The following STAU2 variants were observed in gnomAD, a reference collection of about 807,000 sequenced individuals.
The protein encoded by STAU2 is staufen double-stranded RNA binding protein 2, also known as double-stranded RNA-binding protein Staufen homolog 2.
In STAU2, 20 loss-of-function variants were observed where a neutral mutation model predicts 65.9. The ratio of observed to expected loss-of-function variants is 0.30; its 90% CI spans 0.21 to 0.44. STAU2 has a LOEUF of 0.44. Among genes scored for constraint, STAU2 ranks in the 20% least tolerant of loss-of-function variants. The pLI, the probability that STAU2 is intolerant of heterozygous loss-of-function variation, is 1.00. For missense variants in STAU2, 558 were observed against 683.9 expected, an observed-to-expected ratio of 0.82 and a Z score of 2.05; for synonymous variants, 232 against 233.9, an observed-to-expected ratio of 0.99 and a Z score of 0.07.
At chr8:73,747,449 T>A, upstream of STAU2, 1 of 1,534,788 alleles carries the variant, frequency 6.5e-7, no homozygotes, top group Non-Finnish European at 8.7e-7. Context: ...ATCCCGCGTC[T>A]GCTCCGGCCG....
At chr8:73,560,295 T>C (rs1808128196) in intron 12 of STAU2, among the ~76,000 whole-genome samples, 1 of 151,978 alleles carries the variant, frequency 6.6e-6, no homozygotes, top group South Asian at 2.1e-4. Context: ...TCAGCCAGGA[T>C]GTTCTCGATC....
chr8:73,587,239 A>C (rs1023386048), intron 11 of STAU2, among the ~76,000 whole-genome samples: 1 of 152,152 alleles, frequency 6.6e-6, no homozygotes, highest in Non-Finnish European at 1.5e-5. Flanking sequence ...AAAAACTATC[A>C]AGTGTGTGGC....
intron 4 of STAU2, 65 bp from the exon 5 acceptor site, chr8:73,688,878 T>A: frequency 6.4e-7 from 1 of 1,567,132 alleles, no homozygotes; most frequent in Non-Finnish European, 8.7e-7. Flanking sequence ...ATTGGCTGTC[T>A]GAGAGAAAAA....
rs1220997635 is a variant in STAU2, at chr8:73,618,552, T to C, written c.411-1101A>G. Among the ~76,000 whole-genome samples the C allele has an allele frequency of 4.6e-5, 7 of 152,210 alleles. No homozygotes were observed. In the East Asian group the frequency reaches 1.3e-3, roughly 29 times the overall value. On this transcript the variant is annotated intron_variant, in intron 6 of 14. Transcript: ENST00000524300. ...AGAGGTGGCAAGATTCCATAGGGCC[T>C]TCCCTACAAATTGCTGTAGGCATTT...
chr8:73,471,525 A>AAG (rs1394994274), intron 13 of STAU2, among the ~76,000 whole-genome samples: 1 of 149,946 alleles, frequency 6.7e-6, no homozygotes, highest in East Asian at 2.0e-4. Context: ...CTGTAATTAA[A>AAG]AAAAAAAAAA....
intron 13 of STAU2, chr8:73,551,462 G>A: frequency 2.0e-6 from 2 of 987,166 alleles, no homozygotes; most frequent in Non-Finnish European, 2.4e-6. Flanking sequence ...CAACTATAAA[G>A]CATTTCATTA....
chr8:73,528,455 A>C (rs1203373948), intron 13 of STAU2, among the ~76,000 whole-genome samples: 1 of 152,178 alleles, frequency 6.6e-6, no homozygotes, highest in Non-Finnish European at 1.5e-5. Context: ...GGTAAGGTAC[A>C]TGGGGAAGGG....
At chr8:73,424,547 T>C (rs1194609145) in intron 13 of STAU2, among the ~76,000 whole-genome samples, 1 of 151,980 alleles carries the variant, frequency 6.6e-6, no homozygotes, top group East Asian at 1.9e-4. Context: ...GCTTCGTAGC[T>C]CCTTTTTATT....
At position 73,637,501 on chromosome 8, in the gene STAU2, A is replaced by G. The variant is rs1342777493; in HGVS notation, c.411-20050T>C. On this transcript the variant is annotated intron_variant, in intron 6 of 14. Coordinates refer to ENST00000524300, the MANE Select transcript of STAU2 (RefSeq NM_001164380.2). The stretch of plus-strand genomic sequence containing the variant: ...GTAAAAAAAAAAAAAAAAAAAAAAA[A>G]AAAAGAAAAGAAAAAAAAGAAAAAC... Among the ~76,000 whole-genome samples the G allele has an allele frequency of 3.6e-4, 51 of 140,550 alleles. No homozygotes were observed. The South Asian group carries it at 9.6e-3, about 26-fold the overall frequency. The allele number at this position is 140,550 out of a possible 152,430, so 92.2% of individuals were successfully genotyped here. A position where few individuals can be genotyped will look rare whatever the true frequency, so the allele number is the denominator to read the frequency against.
At chr8:73,689,680 A>C (rs771316171) in intron 4 of STAU2, among the ~76,000 whole-genome samples, 9 of 152,126 alleles carry the variant, frequency 5.9e-5, no homozygotes, top group Non-Finnish European at 1.2e-4. Flanking sequence ...AATTGGTTTC[A>C]CTCCAGACTG....
chr8:73,548,419 T>C lies in STAU2; in HGVS notation c.1530+3593A>G, dbSNP rs565448514. Among the ~76,000 whole-genome samples the C allele has an allele frequency of 1.8e-4, 28 of 152,090 alleles. 1 individual carries two copies. The highest frequency in any genetic ancestry group is 1.7e-3 in the South Asian group (8 of 4,820). On this transcript the variant is annotated intron_variant, in intron 13 of 14. Coordinates refer to ENST00000524300, the MANE Select transcript of STAU2 (RefSeq NM_001164380.2). The stretch of plus-strand genomic sequence containing the variant: ...CACTTCCACCAGCCCCATCCCAATA[T>C]AACCTATACTAAGTCATATTGTTAA...
intron 3 of STAU2, among the ~76,000 whole-genome samples, chr8:73,715,451 C>CAAAAA (rs35959123): frequency 8.1e-6 from 1 of 123,772 alleles, no homozygotes; most frequent in Non-Finnish European, 1.6e-5. Flanking sequence ...GTGAGACTGT[C>CAAAAA]AAAAAAAAAA....
At chr8:73,530,098 G>A (rs762340704) in intron 13 of STAU2, among the ~76,000 whole-genome samples, 6 of 152,162 alleles carry the variant, frequency 3.9e-5, no homozygotes, top group African/African-American at 9.7e-5. Flanking sequence ...AAACCTAGAT[G>A]AGAGTAGTGA....
At chr8:73,510,502 TAC>T (rs1328901165) in intron 13 of STAU2, among the ~76,000 whole-genome samples, 1 of 152,230 alleles carries the variant, frequency 6.6e-6, no homozygotes, top group Non-Finnish European at 1.5e-5. Context: ...TTTCAAAATA[TAC>T]ATATATGGAT....
chr8:73,699,526 G>A (rs926390176), intron 4 of STAU2, among the ~76,000 whole-genome samples: 6 of 152,128 alleles, frequency 3.9e-5, no homozygotes, highest in Admixed American at 3.9e-4. Flanking sequence ...GATCGTTAGT[G>A]ACTACCGTGA....
At chr8:73,725,806 G>A (rs183693424) in intron 3 of STAU2, among the ~76,000 whole-genome samples, 38 of 152,244 alleles carry the variant, frequency 2.5e-4, no homozygotes, top group East Asian at 1.3e-3. Flanking sequence ...AGTGGTGCAT[G>A]CCTGTAATCC....
At position 73,475,810 on chromosome 8, in the gene STAU2, T is replaced by C. The variant is rs555613592; in HGVS notation, c.1531-53108A>G. On this transcript the variant is annotated intron_variant, in intron 13 of 14. Transcript: ENST00000524300. ...CATGCAAATATTCCAAAGCAGAATA[T>C]GGACTAGAATTCAGGTTCCCTAACT... Among the ~76,000 whole-genome samples, 4 of 152,320 alleles carry C rather than the reference T, an allele frequency of 2.6e-5. No homozygotes were observed. The East Asian group carries it at 5.8e-4, about 22-fold the overall frequency.
intron 13 of STAU2, among the ~76,000 whole-genome samples, chr8:73,453,074 C>T (rs1445413519): frequency 6.6e-6 from 1 of 152,138 alleles, no homozygotes; most frequent in Non-Finnish European, 1.5e-5. Flanking sequence ...GACTCTGACT[C>T]GGTGTCTTCA....
intron 5 of STAU2, among the ~76,000 whole-genome samples, chr8:73,683,564 C>A (rs1563503817): frequency 6.6e-6 from 1 of 152,082 alleles, no homozygotes; most frequent in Non-Finnish European, 1.5e-5. Flanking sequence ...CAAAGATGCC[C>A]ACTTTCACCA....
Sources: allele counts gnomAD v4.1 joint callset (sites outside exome capture counted in the v4.1 genomes callset), GRCh38; gene constraint gnomAD v4.1.1; transcripts MANE v1.5; gene names NCBI Gene and HGNC (gene_info 2026-07-23, HGNC 2026-07-21).